Variants in LMBRD1 observed in about 807,000 individuals in gnomAD.
LMBRD1 encodes LMBR1 domain containing 1, also known as lysosomal cobalamin transport escort protein LMBD1.
In LMBRD1, 64 loss-of-function variants were observed where a neutral mutation model predicts 74.8. The ratio of observed to expected loss-of-function variants is 0.86; its 90% CI spans 0.70 to 1.05. The LOEUF (loss-of-function observed/expected upper bound fraction) is 1.05, where lower values mean the gene tolerates loss of function less well. Among genes scored for constraint, LMBRD1 ranks in the 50% least tolerant of loss-of-function variants. The pLI is 0.00. For synonymous variants in LMBRD1, 204 were observed against 216.3 expected (o/e 0.94, Z 0.50); for missense variants, 652 against 645.9 (o/e 1.01, Z -0.10).
At chr6:69,766,703 G>A (rs1765480607) in intron 3 of LMBRD1, among the ~76,000 whole-genome samples, 1 of 151,546 alleles carries the variant, frequency 6.6e-6, no homozygotes, top group African/African-American at 2.4e-5. Context: ...TCCTAAAAAG[G>A]TTGATAAAGG....
intron 6 of LMBRD1, among the ~76,000 whole-genome samples, chr6:69,741,426 C>A (rs117884950): frequency 7.4e-6 from 1 of 134,402 alleles, no homozygotes; most frequent in Non-Finnish European, 1.6e-5. Flanking sequence ...TTGCTCAGTC[C>A]CCCAGGCTGG....
chr6:69,728,193 T>C (rs1294285906), intron 7 of LMBRD1, among the ~76,000 whole-genome samples: 1 of 152,062 alleles, frequency 6.6e-6, no homozygotes. Flanking sequence ...TGGGAGGTGC[T>C]ACAGATTTTT....
intron 14 of LMBRD1, among the ~76,000 whole-genome samples, chr6:69,677,104 C>T (rs1765561907): frequency 6.6e-6 from 1 of 152,102 alleles, no homozygotes; most frequent in Non-Finnish European, 1.5e-5. Flanking sequence ...GAAATGAAGA[C>T]TCAAGGGAAA....
intron 9 of LMBRD1, 25 bp downstream of exon 9, chr6:69,713,620 C>G: frequency 6.2e-7 from 1 of 1,612,118 alleles, no homozygotes; most frequent in Non-Finnish European, 8.5e-7. Flanking sequence ...AGAGTGACAG[C>G]ATAATTTTTA....
intron 3 of LMBRD1, 27 bp downstream of exon 3, chr6:69,780,467 T>C (rs2149893134): frequency 6.4e-7 from 1 of 1,560,616 alleles, no homozygotes; most frequent in Non-Finnish European, 8.8e-7. Context: ...GCAGTCCAAA[T>C]AGGGAAAGAA....
intron 14 of LMBRD1, among the ~76,000 whole-genome samples, chr6:69,678,108 C>G (rs944760342): frequency 2.0e-5 from 3 of 152,100 alleles, no homozygotes; most frequent in Non-Finnish European, 4.4e-5. Context: ...CTGGTGTTTT[C>G]TGGAGGCCTT....
chr6:69,704,947 G>T, intron 9 of LMBRD1, among the ~76,000 whole-genome samples: 1 of 144,156 alleles, frequency 6.9e-6, no homozygotes. Flanking sequence ...TGTGTTTCAG[G>T]CTATTAATTT....
chr6:69,772,170 C>G (rs1765590066), intron 3 of LMBRD1, among the ~76,000 whole-genome samples: 1 of 152,114 alleles, frequency 6.6e-6, no homozygotes, highest in Admixed American at 6.5e-5. Flanking sequence ...CCAGAGAGGT[C>G]TGCACAAAGA....
At chr6:69,718,324 G>C (rs997913054) in intron 8 of LMBRD1, among the ~76,000 whole-genome samples, 1 of 152,064 alleles carries the variant, frequency 6.6e-6, no homozygotes, top group Non-Finnish European at 1.5e-5. Context: ...CTGAGAACTA[G>C]TAAGTTCTTG....
intron 7 of LMBRD1, among the ~76,000 whole-genome samples, chr6:69,719,377 G>T (rs200893083): frequency 1.3e-5 from 2 of 151,844 alleles, no homozygotes; most frequent in South Asian, 2.1e-4. Flanking sequence ...CAGACTAATC[G>T]AAGGTTAAGA....
At chr6:69,685,525 G>C (rs1054800421) in intron 14 of LMBRD1, among the ~76,000 whole-genome samples, 1 of 152,172 alleles carries the variant, frequency 6.6e-6, no homozygotes, top group Non-Finnish European at 1.5e-5. Flanking sequence ...TTTGGGTCAG[G>C]CGTGGTGGCT....
chr6:69,738,683 G>A (rs1376004127), intron 6 of LMBRD1, among the ~76,000 whole-genome samples: 1 of 151,900 alleles, frequency 6.6e-6, no homozygotes, highest in African/African-American at 2.4e-5. Context: ...GAAGGTCAAA[G>A]AGTGAGGGGC....
intron 4 of LMBRD1, among the ~76,000 whole-genome samples, chr6:69,750,462 C>T (rs538684645): frequency 2.0e-5 from 3 of 151,992 alleles, no homozygotes; most frequent in South Asian, 2.1e-4. Context: ...ATTCTGAATA[C>T]GAATAAAAAA....
rs1328254236 is a variant in LMBRD1 at position 69,676,178 on chromosome 6, G to A, written c.1603C>T (p.Pro535Ser). 1.2e-6 allele frequency: 2 copies of A among 1,612,734 alleles called. No homozygotes were observed. The highest frequency in any genetic ancestry group is 1.7e-6 in the Non-Finnish European group (2 of 1,179,224). ...GGCTGTCAAGCAGAATAGACAGAGG[G>A]CTCATCATCACTTATGTCTGAATCT... is the stretch of plus-strand genomic sequence containing the variant. Reference protein sequence around the residue: ...DEDSDISDDEPSVYSA With the variant: ...DEDSDISDDESSVYSA Residue 535 changes from proline (P) to serine (S), a missense_variant, in exon 16 of 16, where the codon CCC becomes TCC. Physicochemically the swap from Pro to Ser is moderately conservative, Grantham distance 74. Coordinates refer to ENST00000649934, the MANE Select transcript of LMBRD1 (RefSeq NM_018368.4).
chr6:69,796,614 CAA>C (rs1199216891), intron 1 of LMBRD1, among the ~76,000 whole-genome samples, 197 bp downstream of exon 1: 2 of 152,108 alleles, frequency 1.3e-5, no homozygotes, highest in Non-Finnish European at 2.9e-5. Context: ...GAAATGACAG[CAA>C]AAGAGACCGG....
chr6:69,706,703 T>A (rs1206240723), intron 9 of LMBRD1, among the ~76,000 whole-genome samples: 3 of 152,208 alleles, frequency 2.0e-5, no homozygotes, highest in Non-Finnish European at 4.4e-5. Context: ...CTATTATATT[T>A]CAATCTCTAC....
rs1202049874 is a variant in LMBRD1 at position 69,697,610 on chromosome 6, T to C, written c.1370A>G (p.Asn457Ser). 6.2e-6 allele frequency: 10 copies of C among 1,604,492 alleles called. No individual in the cohort carries two copies. The East Asian group carries it at 1.1e-4, about 18-fold the overall frequency. The change falls in exon 14 of 16, where the codon AAT becomes AGT. Residue 457 changes from asparagine to serine, a missense_variant. Around this residue, in one of 3 missense-constraint regions of LMBRD1, gnomAD observed 598 missense variants for 581.8 expected, o/e 1.03. Coordinates refer to ENST00000649934, the MANE Select transcript of LMBRD1 (RefSeq NM_018368.4). Reference sequence around the variant, plus strand: ...TCTCTTTGGCACAGAAAGGGTTGAATTGCCTTTATGATTATCAGAAGTTAT... The same window carrying C: ...TCTCTTTGGCACAGAAAGGGTTGAACTGCCTTTATGATTATCAGAAGTTAT... Reference protein sequence around the residue: ...TNITSDNHKGNSTLSVPKRCD... With the variant: ...TNITSDNHKGSSTLSVPKRCD...
chr6:69,687,507 G>C (rs934394966), intron 14 of LMBRD1, among the ~76,000 whole-genome samples: 1 of 152,074 alleles, frequency 6.6e-6, no homozygotes, highest in Admixed American at 6.6e-5. Flanking sequence ...AAATGAAAAA[G>C]CACAAGAATA....
chr6:69,675,755 G>A lies in LMBRD1; in HGVS notation c.*403C>T. The A allele has an allele frequency of 5.1e-6, 1 of 197,452 alleles. No homozygotes were observed. Among genetic ancestry groups the A allele is most frequent in the Non-Finnish European group, 1.1e-5 (1 of 95,188 alleles). 12.2% of individuals were successfully genotyped at this position (197,452 alleles called of 1,614,324 possible). On this transcript the variant is annotated 3_prime_UTR_variant, in exon 16 of 16. Transcript: ENST00000649934. ...GCTATATTGTAAATATTATTTGGAGGCAATCAGAGAGAGACACTTTAAAAT... is the reference window on the plus strand; with the variant it reads ...GCTATATTGTAAATATTATTTGGAGACAATCAGAGAGAGACACTTTAAAAT...
Sources: gnomAD v4.1 joint callset for allele counts (sites outside exome capture counted in the v4.1 genomes callset) on GRCh38, gnomAD v4.1.1 for gene constraint, gnomAD v4.1.1 regional missense constraint, MANE v1.5 for transcripts, NCBI Gene and HGNC (gene_info 2026-07-23, HGNC 2026-07-21) for gene names.